The following CHRM3 variants were observed in gnomAD, a reference collection of about 807,000 sequenced individuals.
The protein encoded by CHRM3 is muscarinic acetylcholine receptor M3.
CHRM3 carries 11 observed loss-of-function variants against 41.8 expected under a neutral mutation model. The observed-to-expected ratio is 0.26, with a 90% CI of 0.17 to 0.44. The LOEUF (loss-of-function observed/expected upper bound fraction) is 0.44. Among genes scored for constraint, CHRM3 ranks in the 20% least tolerant of loss-of-function variants. The pLI, the probability that CHRM3 is intolerant of heterozygous loss-of-function variation, is 1.00. For synonymous variants in CHRM3, 297 were observed against 301.4 expected (o/e 0.99, Z 0.15); for missense variants, 571 against 745.4 (o/e 0.77, Z 2.72).
At chr1:239,585,113 A>G in intron 3 of CHRM3, among the ~76,000 whole-genome samples, 1 of 151,388 alleles carries the variant, frequency 6.6e-6, no homozygotes, top group Non-Finnish European at 1.5e-5. Context: ...ACACATGTAT[A>G]CATATACATA....
At chr1:239,893,192 G>T (rs997986230) in intron 6 of CHRM3, among the ~76,000 whole-genome samples, 2 of 152,138 alleles carry the variant, frequency 1.3e-5, no homozygotes, top group African/African-American at 4.8e-5. Flanking sequence ...GGCACACAGT[G>T]AGTGTTTAAA....
intron 3 of CHRM3, among the ~76,000 whole-genome samples, chr1:239,601,323 A>G (rs1197847653): frequency 2.6e-5 from 4 of 152,218 alleles, no homozygotes; most frequent in South Asian, 4.1e-4. Context: ...TTCCTGATCC[A>G]TAAAACAAGC....
intron 1 of CHRM3, among the ~76,000 whole-genome samples, chr1:239,392,855 T>C (rs1464836530): frequency 6.6e-6 from 1 of 152,224 alleles, no homozygotes; most frequent in East Asian, 1.9e-4. Context: ...GAATTGCCCA[T>C]GGGATCCAGA....
At chr1:239,807,899 A>G (rs972487771) in intron 5 of CHRM3, among the ~76,000 whole-genome samples, 3 of 152,132 alleles carry the variant, frequency 2.0e-5, no homozygotes, top group African/African-American at 4.8e-5. Flanking sequence ...CCAGAGTGAT[A>G]AAAGAATTTG....
rs1467288760 is a variant in CHRM3, at chr1:239,387,718, T to G, written c.-521+491T>G. ...TCCCCATTTGGTTTCCTGTCATTTC[T>G]AAGAAGGCTAAAGCTGGCACCCGCC... is the stretch of plus-strand genomic sequence containing the variant. On this transcript the variant is annotated intron_variant, in intron 1 of 6. Transcript: ENST00000676153. This position sits in a 1 kb window ranked among gnomAD's most constrained non-coding sequence, Gnocchi z 5.1. 6.6e-6 allele frequency among the ~76,000 whole-genome samples: 1 copy of G among 152,186 alleles called. No homozygotes were observed. Among genetic ancestry groups the G allele is most frequent in the South Asian group, 2.1e-4 (1 of 4,826 alleles).
In CHRM3 at chr1:239,487,242, T is replaced by C. The variant is rs550948350; in HGVS notation, c.-520-5467T>C. On this transcript the variant is annotated intron_variant, in intron 1 of 6. Coordinates refer to ENST00000676153, the MANE Select transcript of CHRM3 (RefSeq NM_001375978.1). ...AGGATTTTTGTGCATGATAGGTACA[T>C]TGAAACCCCTAATAAAAATATTATT... 3.9e-5 allele frequency among the ~76,000 whole-genome samples: 6 copies of C among 152,240 alleles called. No individual in the cohort carries two copies. In the South Asian group the frequency reaches 1.2e-3, roughly 32 times the overall value.
At chr1:239,760,204 C>T (rs1352168206) in intron 5 of CHRM3, among the ~76,000 whole-genome samples, 2 of 151,876 alleles carry the variant, frequency 1.3e-5, no homozygotes, top group African/African-American at 2.4e-5. Context: ...GGATTACAGG[C>T]GTGAGCCACC....
chr1:239,715,431 A>G lies in CHRM3; in HGVS notation c.-147+37143A>G, dbSNP rs535077637. 2.6e-5 allele frequency among the ~76,000 whole-genome samples: 4 copies of G among 152,268 alleles called. No individual in the cohort carries two copies. In the East Asian group the frequency reaches 5.8e-4, roughly 22 times the overall value. Reference sequence around the variant, plus strand: ...GAAATAAAAGCTCTAATTTGTAGCTATTACAGATGACCATGGCGTAAATAC... The same window carrying G: ...GAAATAAAAGCTCTAATTTGTAGCTGTTACAGATGACCATGGCGTAAATAC... On this transcript the variant is annotated intron_variant, in intron 5 of 6. Coordinates refer to ENST00000676153, the MANE Select transcript of CHRM3 (RefSeq NM_001375978.1).
intron 6 of CHRM3, among the ~76,000 whole-genome samples, chr1:239,883,202 A>G (rs1435130753): frequency 6.6e-6 from 1 of 152,226 alleles, no homozygotes; most frequent in Non-Finnish European, 1.5e-5. Flanking sequence ...TGATTTATCA[A>G]GAAACAACAT....
At chr1:239,558,725 C>T (rs916049004) in intron 3 of CHRM3, among the ~76,000 whole-genome samples, 1 of 152,188 alleles carries the variant, frequency 6.6e-6, no homozygotes, top group African/African-American at 2.4e-5. Flanking sequence ...TCCCTCTCTA[C>T]CTGGAAACTG....
chr1:239,885,802 TA>T (rs928570030), intron 6 of CHRM3, among the ~76,000 whole-genome samples: 3 of 152,172 alleles, frequency 2.0e-5, no homozygotes, highest in Non-Finnish European at 4.4e-5. Flanking sequence ...GTCATTCTAA[TA>T]AGCGGAAGGT....
chr1:239,481,664 C>T (rs1335669678), intron 1 of CHRM3, among the ~76,000 whole-genome samples: 1 of 152,076 alleles, frequency 6.6e-6, no homozygotes, highest in Non-Finnish European at 1.5e-5. Flanking sequence ...GAGACAAACA[C>T]AGAAGTAAGT....
At chr1:239,849,170 T>C (rs1319554077) in intron 6 of CHRM3, among the ~76,000 whole-genome samples, 1 of 152,230 alleles carries the variant, frequency 6.6e-6, no homozygotes, top group African/African-American at 2.4e-5. Flanking sequence ...ACTCTAGTTA[T>C]ATTTGCTTAG....
chr1:239,752,696 A>G (rs931326682), intron 5 of CHRM3, among the ~76,000 whole-genome samples: 8 of 152,198 alleles, frequency 5.3e-5, no homozygotes, highest in African/African-American at 1.9e-4. Context: ...AACGACTGTC[A>G]TATTTATTCA....
intron 5 of CHRM3, among the ~76,000 whole-genome samples, chr1:239,766,207 C>T (rs1404951958): frequency 6.6e-6 from 1 of 152,020 alleles, no homozygotes; most frequent in Non-Finnish European, 1.5e-5. Context: ...GCCCCGAGGG[C>T]TTATTATCAA....
intron 1 of CHRM3, among the ~76,000 whole-genome samples, chr1:239,486,444 C>T (rs1354416459): frequency 6.6e-6 from 1 of 152,150 alleles, no homozygotes; most frequent in Non-Finnish European, 1.5e-5. Context: ...TGCCCATACA[C>T]ACAAGAACAA....
intron 3 of CHRM3, among the ~76,000 whole-genome samples, chr1:239,632,008 C>T (rs545850638): frequency 6.6e-6 from 1 of 152,286 alleles, no homozygotes; most frequent in South Asian, 2.1e-4. Flanking sequence ...ATTTCTTTTC[C>T]AGTGACGGGT....
chr1:239,762,250 T>C (rs1666856246), intron 5 of CHRM3, among the ~76,000 whole-genome samples: 1 of 152,206 alleles, frequency 6.6e-6, no homozygotes, highest in Admixed American at 6.5e-5. Context: ...TCCCTCTTCT[T>C]CCCGAGAGAA....
rs201634091 is a variant in CHRM3 at position 239,638,868 on chromosome 1, G to A, written c.-250+6582G>A. Among the ~76,000 whole-genome samples the A allele has an allele frequency of 1.5e-4, 23 of 152,238 alleles. No homozygotes were observed. The East Asian group carries it at 4.4e-3, about 29-fold the overall frequency. On this transcript the variant is annotated intron_variant, in intron 4 of 6. Transcript: ENST00000676153. ...CTATGTCCTGAATGGTAATGCCTAGGTTTTCTTCTAGGGTTTTTATGGTTT... is the reference window on the plus strand; with the variant it reads ...CTATGTCCTGAATGGTAATGCCTAGATTTTCTTCTAGGGTTTTTATGGTTT...
Sources: gnomAD v4.1 joint callset for allele counts (sites outside exome capture counted in the v4.1 genomes callset) on GRCh38, gnomAD v4.1.1 for gene constraint, Gnocchi (gnomAD v3.1) non-coding constraint, MANE v1.5 for transcripts, NCBI Gene and HGNC (gene_info 2026-07-23, HGNC 2026-07-21) for gene names.